LIPA: variants seen among roughly 807,000 people sequenced by gnomAD.
LIPA encodes the protein lysosomal acid lipase/cholesteryl ester hydrolase.
LIPA carries 26 observed loss-of-function variants against 40.6 expected under a neutral mutation model. The observed-to-expected ratio is 0.64, with a 90% CI of 0.47 to 0.89. LIPA has a LOEUF of 0.89. Among genes scored for constraint, LIPA ranks in the 40% least tolerant of loss-of-function variants. LIPA has a pLI of 0.00. For missense variants in LIPA, 455 were observed against 479.6 expected (o/e 0.95, Z 0.48); for synonymous variants, 188 against 168.4 (o/e 1.12, Z -0.90).
chr10:89,389,214 T>C (rs1844228926), intron 2 of LIPA, among the ~76,000 whole-genome samples: 1 of 152,218 alleles, frequency 6.6e-6, no homozygotes, highest in African/African-American at 2.4e-5. Context: ...AACCTGACTT[T>C]TATAATTAAA....
At chr10:89,312,672 G>A (rs554885886) in intron 1 of LIPA, among the ~76,000 whole-genome samples, 2 of 151,886 alleles carry the variant, frequency 1.3e-5, no homozygotes, top group East Asian at 3.9e-4. Flanking sequence ...AGACAGGCGT[G>A]GTGGCGGGCA....
chr10:89,371,370 A>G (rs1844090517), intron 2 of LIPA, among the ~76,000 whole-genome samples: 1 of 152,204 alleles, frequency 6.6e-6, no homozygotes, highest in African/African-American at 2.4e-5. Flanking sequence ...TTCACATCAG[A>G]ACTATAACTC....
intron 1 of LIPA, among the ~76,000 whole-genome samples, chr10:89,248,437 ATTTTATATTTATTTATTTATTTATTTAT>A (rs1411438819): frequency 4.5e-5 from 6 of 133,272 alleles, no homozygotes; most frequent in African/African-American, 1.8e-4. Context: ...TATTATTATT[ATTTTATATTTATTTATTTATTTATTTAT>A]TTATTTATTT....
chr10:89,318,785 T>G (rs1305408410), intron 1 of LIPA, among the ~76,000 whole-genome samples: 4 of 152,236 alleles, frequency 2.6e-5, no homozygotes, highest in Non-Finnish European at 5.9e-5. Flanking sequence ...ACATTGCACT[T>G]ATTCCAAAAC....
chr10:89,279,563 T>C lies in LIPA; in HGVS notation c.-1-31914A>G, dbSNP rs550430707. On this transcript the variant is annotated intron_variant, in intron 1 of 5. Transcript: ENST00000282673. Reference sequence around the variant, plus strand: ...GCCAAGTTCCTGTCATGACCCTTGATTGGAGACCAGGGCTTCGAGCCAAAC... The same window carrying C: ...GCCAAGTTCCTGTCATGACCCTTGACTGGAGACCAGGGCTTCGAGCCAAAC... Among the ~76,000 whole-genome samples the C allele has an allele frequency of 1.1e-4, 16 of 152,352 alleles. 1 individual carries two copies. The South Asian group carries it at 3.1e-3, about 30-fold the overall frequency.
chr10:89,340,642 C>G (rs1238589097), intron 1 of LIPA: 2 of 148,822 alleles, frequency 1.3e-5, no homozygotes, highest in African/African-American at 2.5e-5. Flanking sequence ...GGTCTTACAA[C>G]TAATCACTGG....
chr10:89,260,382 G>T (rs189660550), intron 1 of LIPA, among the ~76,000 whole-genome samples: 1 of 152,352 alleles, frequency 6.6e-6, no homozygotes, highest in Admixed American at 6.5e-5. Context: ...CCTGCCCTCA[G>T]TGCATAGTGG....
chr10:89,215,566 G>A (rs1039815278), intron 9 of LIPA, among the ~76,000 whole-genome samples: 2 of 152,190 alleles, frequency 1.3e-5, no homozygotes, highest in African/African-American at 4.8e-5. Flanking sequence ...CATTTAGCAT[G>A]CTCAAAAATG....
chr10:89,306,002 C>T (rs1843475441), intron 1 of LIPA: 2 of 1,613,922 alleles, frequency 1.2e-6, no homozygotes, highest in South Asian at 1.1e-5. Context: ...CCTACGGCAA[C>T]TAAAATGCCA....
At chr10:89,243,219 A>G (rs1292509493) in intron 3 of LIPA, among the ~76,000 whole-genome samples, 9 of 152,258 alleles carry the variant, frequency 5.9e-5, no homozygotes. Context: ...GGAGTGAAGG[A>G]CAGTAAAGAG....
At chr10:89,317,416 C>T (rs1040762556) in intron 1 of LIPA, among the ~76,000 whole-genome samples, 14 of 152,168 alleles carry the variant, frequency 9.2e-5, no homozygotes, top group African/African-American at 2.2e-4. Flanking sequence ...AACTATATGA[C>T]GCATGCACAA....
intron 2 of LIPA, among the ~76,000 whole-genome samples, chr10:89,376,876 A>G (rs1347351621): frequency 6.6e-6 from 1 of 152,204 alleles, no homozygotes; most frequent in Non-Finnish European, 1.5e-5. Context: ...AATATAGTCT[A>G]GTTACAGGCC....
chr10:89,228,599 C>T (rs987379110), intron 3 of LIPA, among the ~76,000 whole-genome samples: 5 of 152,170 alleles, frequency 3.3e-5, no homozygotes, highest in Non-Finnish European at 7.3e-5. Flanking sequence ...AGCAGTGAAA[C>T]TGGACCATTT....
chr10:89,362,032 T>C (rs1368911573), intron 2 of LIPA, among the ~76,000 whole-genome samples: 7 of 151,818 alleles, frequency 4.6e-5, no homozygotes, highest in Admixed American at 4.6e-4. Flanking sequence ...CCTGAGTAGC[T>C]GGGACTACAG....
At chr10:89,301,856 T>C (rs1843446811) in intron 1 of LIPA, 1 of 358,772 alleles carries the variant, frequency 2.8e-6, no homozygotes, top group Non-Finnish European at 5.2e-6. Flanking sequence ...CTGCCTTCTT[T>C]CTCTGATCAC....
rs148922855 is a variant in LIPA at position 89,270,796 on chromosome 10, G to C, written c.-1-23147C>G. 3.0e-3 allele frequency among the ~76,000 whole-genome samples: 457 copies of C among 152,344 alleles called. 2 individuals carry two copies. The highest frequency in any genetic ancestry group is 0.012 in the South Asian group (57 of 4,826). On this transcript the variant is annotated intron_variant, in intron 1 of 5. Transcript: ENST00000282673. The stretch of plus-strand genomic sequence containing the variant: ...GCTCGAAGTGTCTGTGACAGATAGG[G>C]AGGCTCTATGGCACCTTTAGCAGGT...
intron 1 of LIPA, among the ~76,000 whole-genome samples, chr10:89,248,785 G>T (rs1843073497): frequency 6.6e-6 from 1 of 151,972 alleles, no homozygotes; most frequent in South Asian, 2.1e-4. Flanking sequence ...CGGCCCAAAG[G>T]AATTACTTTT....
chr10:89,403,275 G>A, intron 2 of LIPA: 1 of 1,614,000 alleles, frequency 6.2e-7, no homozygotes, highest in Non-Finnish European at 8.5e-7. Context: ...ATCTGCAGTG[G>A]AAAAAAAGCC....
At chr10:89,257,996 G>A (rs1843189439) in intron 1 of LIPA, among the ~76,000 whole-genome samples, 1 of 152,154 alleles carries the variant, frequency 6.6e-6, no homozygotes, top group Admixed American at 6.5e-5. Context: ...AGCCAGAGTG[G>A]GAAAACATTG....
Sources: allele counts gnomAD v4.1 joint callset (sites outside exome capture counted in the v4.1 genomes callset), GRCh38; gene constraint gnomAD v4.1.1; transcripts MANE v1.5; gene names NCBI Gene and HGNC (gene_info 2026-07-23, HGNC 2026-07-21).